The following RIMS1 variants were observed in gnomAD, a reference collection of about 807,000 sequenced individuals.
The protein encoded by RIMS1 is regulating synaptic membrane exocytosis 1.
RIMS1 carries 83 observed loss-of-function variants against 214.1 expected under a neutral mutation model. The ratio of observed to expected loss-of-function variants is 0.39; its 90% CI spans 0.32 to 0.47. The LOEUF is 0.47. Among genes scored for constraint, RIMS1 ranks in the 20% least tolerant of loss-of-function variants. The probability of loss-of-function intolerance (pLI) is 0.99; values close to 1 mark genes in which losing one functional copy is unlikely to be tolerated. For missense variants in RIMS1, 2,050 were observed against 2,161.8 expected, an observed-to-expected ratio of 0.95 and a Z score of 1.03; for synonymous variants, 793 against 786.8, an observed-to-expected ratio of 1.01 and a Z score of -0.13.
At chr6:72,213,193 G>A (rs1189675878) in intron 6 of RIMS1, 7 of 1,536,398 alleles carry the variant, frequency 4.6e-6, no homozygotes, top group African/African-American at 1.4e-5. Flanking sequence ...TCCGAAGAGG[G>A]AACAATTGAA....
intron 2 of RIMS1, among the ~76,000 whole-genome samples, chr6:72,014,155 G>A (rs1290538284): frequency 6.6e-6 from 1 of 152,216 alleles, no homozygotes; most frequent in Non-Finnish European, 1.5e-5. Context: ...GGAAAGGGAA[G>A]CAAACATGTC....
At chr6:72,103,645 A>C (rs1271962888) in intron 4 of RIMS1, among the ~76,000 whole-genome samples, 1 of 152,140 alleles carries the variant, frequency 6.6e-6, no homozygotes, top group Non-Finnish European at 1.5e-5. Context: ...TTTTGTGAAC[A>C]TACGTTGTCA....
rs368216570 is a variant in RIMS1 at position 72,274,345 on chromosome 6, A to G, written c.3399-4A>G. 159 of 1,605,586 alleles carry G rather than the reference A, an allele frequency of 9.9e-5. No homozygotes were observed. The highest frequency in any genetic ancestry group is 2.0e-5 in the Non-Finnish European group (24 of 1,173,406). On this transcript the variant is annotated splice_polypyrimidine_tract_variant and splice_region_variant and intron_variant, in intron 22 of 33. Transcript: ENST00000521978. ...TTTTCCTGTCTTGTTCACTGGGCAA[A>G]CAGGGGTAGATGGTCCCCCTCCCTA...
intron 6 of RIMS1, 113 bp downstream of exon 6, chr6:72,183,262 A>G (rs907976390): frequency 1.3e-5 from 13 of 990,076 alleles, no homozygotes; most frequent in Non-Finnish European, 1.9e-5. Context: ...GAATGCTCAC[A>G]GATAAGATAG....
At chr6:71,927,898 A>G (rs568567290) in intron 1 of RIMS1, among the ~76,000 whole-genome samples, 1 of 152,272 alleles carries the variant, frequency 6.6e-6, no homozygotes, top group East Asian at 1.9e-4. Context: ...TTGAAACTAC[A>G]CAATCTTTTA....
At chr6:71,912,072 T>G (rs1777090969) in intron 1 of RIMS1, among the ~76,000 whole-genome samples, 1 of 152,108 alleles carries the variant, frequency 6.6e-6, no homozygotes, top group Admixed American at 6.6e-5. Context: ...AGTCTTCAGG[T>G]TCATATCTTG....
intron 4 of RIMS1, among the ~76,000 whole-genome samples, chr6:72,113,664 T>A (rs5008119): frequency 0.28 from 41,911 of 151,846 alleles, 6,674 homozygotes; most frequent in Admixed American, 0.36. Flanking sequence ...ACTTTAGTAC[T>A]TTTATTTTCT....
chr6:72,004,679 T>A (rs1252610559), intron 2 of RIMS1, among the ~76,000 whole-genome samples: 2 of 152,092 alleles, frequency 1.3e-5, no homozygotes, highest in Admixed American at 6.5e-5. Context: ...TTTTGAGAAG[T>A]GTCTGTTCAT....
At chr6:72,190,867 T>C (rs904038598) in intron 6 of RIMS1, among the ~76,000 whole-genome samples, 1 of 152,132 alleles carries the variant, frequency 6.6e-6, no homozygotes, top group Non-Finnish European at 1.5e-5. Flanking sequence ...ACTTGACCCA[T>C]GGTCAAACAT....
chr6:72,100,840 G>A (rs757815153), intron 4 of RIMS1, among the ~76,000 whole-genome samples: 1 of 151,876 alleles, frequency 6.6e-6, no homozygotes, highest in East Asian at 1.9e-4. Context: ...TGCATAATTA[G>A]CAAGTGTGAC....
intron 1 of RIMS1, among the ~76,000 whole-genome samples, chr6:71,913,319 C>T (rs1777455677): frequency 6.6e-6 from 1 of 151,986 alleles, no homozygotes; most frequent in Admixed American, 6.6e-5. Flanking sequence ...TGACATGATG[C>T]GAAAAGGAGG....
chr6:72,308,737 C>G (rs1482249612), intron 27 of RIMS1, among the ~76,000 whole-genome samples: 1 of 152,080 alleles, frequency 6.6e-6, no homozygotes, highest in African/African-American at 2.4e-5. Flanking sequence ...TTCAGTGATG[C>G]TCAACTCCCT....
intron 2 of RIMS1, among the ~76,000 whole-genome samples, chr6:72,068,910 CA>C (rs58411224): frequency 0.47 from 66,214 of 140,774 alleles, 15,421 homozygotes; most frequent in East Asian, 0.66. Flanking sequence ...GACTCCGTCT[CA>C]AAAAAAAAAA....
At chr6:72,050,157 G>A (rs1403068410) in intron 2 of RIMS1, among the ~76,000 whole-genome samples, 1 of 152,152 alleles carries the variant, frequency 6.6e-6, no homozygotes, top group African/African-American at 2.4e-5. Flanking sequence ...CTGAGCGGAG[G>A]ATGATCCTGA....
chr6:72,314,386 ATAAATATAAGTGTTAAAAAT>A (rs1023932908), intron 28 of RIMS1, among the ~76,000 whole-genome samples: 9 of 152,218 alleles, frequency 5.9e-5, no homozygotes, highest in Admixed American at 5.9e-4. Context: ...GAGAGGTCCA[ATAAATATAAGTGTTAAAAAT>A]ATGAACAAAC....
At chr6:72,367,336 A>G (rs1160860746) in intron 29 of RIMS1, among the ~76,000 whole-genome samples, 1 of 152,188 alleles carries the variant, frequency 6.6e-6, no homozygotes, top group African/African-American at 2.4e-5. Context: ...GTGCAAATAT[A>G]TGAGCATTTC....
At chr6:72,330,200 T>C (rs2096612640) in intron 28 of RIMS1, among the ~76,000 whole-genome samples, 1 of 151,580 alleles carries the variant, frequency 6.6e-6, no homozygotes, top group African/African-American at 2.4e-5. Flanking sequence ...TATTGAGAGG[T>C]CAAAAGGATA....
intron 1 of RIMS1, among the ~76,000 whole-genome samples, chr6:71,937,776 A>G (rs561468936): frequency 2.0e-5 from 3 of 152,206 alleles, no homozygotes; most frequent in Non-Finnish European, 4.4e-5. Context: ...AATGTCAGTT[A>G]TATTTCAACA....
At chr6:72,186,556 T>C (rs958903479) in intron 6 of RIMS1, among the ~76,000 whole-genome samples, 3 of 152,188 alleles carry the variant, frequency 2.0e-5, no homozygotes, top group Admixed American at 2.0e-4. Context: ...TTCACTCAGA[T>C]TTAAAGTGGC....
Sources: allele counts gnomAD v4.1 joint callset (sites outside exome capture counted in the v4.1 genomes callset), GRCh38; gene constraint gnomAD v4.1.1; transcripts MANE v1.5; gene names NCBI Gene and HGNC (gene_info 2026-07-23, HGNC 2026-07-21).